Variants in CCSER1 observed in about 807,000 individuals in gnomAD.
CCSER1 encodes the protein coiled-coil serine rich protein 1, also known as serine-rich coiled-coil domain-containing protein 1.
A neutral mutation model predicts 82.0 loss-of-function variants in CCSER1; 41 were observed. The ratio of observed to expected loss-of-function variants is 0.50; its 90% CI spans 0.39 to 0.65. The LOEUF (loss-of-function observed/expected upper bound fraction) is 0.65, where lower values mean the gene tolerates loss of function less well. Ranked by LOEUF, CCSER1 falls within the 30% of genes least tolerant of loss-of-function variation. CCSER1 has a pLI of 0.00. For missense variants in CCSER1, 1,119 were observed against 1,064.2 expected, an observed-to-expected ratio of 1.05 and a Z score of -0.72; for synonymous variants, 414 against 383.9, an observed-to-expected ratio of 1.08 and a Z score of -0.92.
chr4:91,234,141 G>T (rs777740514), intron 10 of CCSER1, among the ~76,000 whole-genome samples: 1 of 152,050 alleles, frequency 6.6e-6, no homozygotes, highest in African/African-American at 2.4e-5. Flanking sequence ...TTTTGATTGC[G>T]TAAAATCCAT....
intron 10 of CCSER1, among the ~76,000 whole-genome samples, chr4:91,377,250 T>C (rs1186891632): frequency 6.6e-6 from 1 of 152,186 alleles, no homozygotes; most frequent in East Asian, 1.9e-4. Context: ...CTTATAATCC[T>C]TTGGGTATAT....
chr4:90,806,667 G>A (rs550719986), intron 7 of CCSER1, among the ~76,000 whole-genome samples: 13 of 152,202 alleles, frequency 8.5e-5, no homozygotes, highest in Non-Finnish European at 1.5e-4. Context: ...CTGAAGCAAA[G>A]GCTGAGATCT....
chr4:91,553,763 A>T (rs1762272133), intron 10 of CCSER1, among the ~76,000 whole-genome samples: 1 of 150,398 alleles, frequency 6.6e-6, no homozygotes, highest in African/African-American at 2.4e-5. Flanking sequence ...TCAGTTGTAG[A>T]GTCTTCTTCT....
chr4:90,495,626 G>T (rs1768865307), intron 5 of CCSER1, among the ~76,000 whole-genome samples: 1 of 152,114 alleles, frequency 6.6e-6, no homozygotes, highest in Non-Finnish European at 1.5e-5. Context: ...GATACTTAAA[G>T]AAATTGCAAG....
At chr4:91,233,014 C>T (rs1262971993) in intron 10 of CCSER1, among the ~76,000 whole-genome samples, 1 of 151,730 alleles carries the variant, frequency 6.6e-6, no homozygotes, top group African/African-American at 2.4e-5. Context: ...GAGTGGAACT[C>T]TTAGCTACTT....
At chr4:91,267,763 A>G (rs1467486779) in intron 10 of CCSER1, among the ~76,000 whole-genome samples, 1 of 152,248 alleles carries the variant, frequency 6.6e-6, no homozygotes, top group Non-Finnish European at 1.5e-5. Context: ...ATTTATGACT[A>G]GCTGAGAGGA....
intron 10 of CCSER1, among the ~76,000 whole-genome samples, chr4:91,526,564 T>A (rs1389962871): frequency 6.6e-6 from 1 of 152,186 alleles, no homozygotes; most frequent in Non-Finnish European, 1.5e-5. Flanking sequence ...ACTCTGTTTG[T>A]TGGCAATAAT....
chr4:90,925,057 C>T (rs531623870), intron 9 of CCSER1, among the ~76,000 whole-genome samples: 1 of 152,242 alleles, frequency 6.6e-6, no homozygotes, highest in South Asian at 2.1e-4. Context: ...TATTTATATG[C>T]TAGTCCTTAG....
rs139356414 is a variant in CCSER1 at position 91,523,574 on chromosome 4, G to A, written c.2218-74998G>A. Among the ~76,000 whole-genome samples, 762 of 152,234 alleles carry A rather than the reference G, an allele frequency of 5.0e-3. 4 individuals carry two copies. Among genetic ancestry groups the A allele is most frequent in the Middle Eastern group, 0.014 (4 of 294 alleles). Reference sequence around the variant, plus strand: ...AGAGCCTGTTATTGGTCTATTCAAGGATGCAACTTCTTCCTGGTTTAGTCT... The same window carrying A: ...AGAGCCTGTTATTGGTCTATTCAAGAATGCAACTTCTTCCTGGTTTAGTCT... On this transcript the variant is annotated intron_variant, in intron 10 of 10. Transcript: ENST00000509176.
chr4:90,825,194 C>A (rs1319520110), intron 8 of CCSER1, among the ~76,000 whole-genome samples: 3 of 152,014 alleles, frequency 2.0e-5, no homozygotes, highest in Non-Finnish European at 4.4e-5. Context: ...ATTTAAATGC[C>A]AATAGGAAGG....
chr4:91,160,844 C>T (rs978471777), intron 10 of CCSER1, among the ~76,000 whole-genome samples: 1 of 151,956 alleles, frequency 6.6e-6, no homozygotes, highest in Non-Finnish European at 1.5e-5. Flanking sequence ...TTTTCCAATT[C>T]TGTAGGTTGC....
At position 90,285,298 on chromosome 4, in the gene CCSER1, G is replaced by C. The variant is rs554579069; in HGVS notation, c.-41-22946G>C. Among the ~76,000 whole-genome samples, 26 of 151,828 alleles carry C rather than the reference G, an allele frequency of 1.7e-4. No individual in the cohort carries two copies. The South Asian group carries it at 5.4e-3, about 32-fold the overall frequency. The stretch of plus-strand genomic sequence containing the variant: ...TGAACATGGAATATCTTTCCATTTT[G>C]TGCATATCTTCTTCAATTTCTTTCA... On this transcript the variant is annotated intron_variant, in intron 1 of 10. Transcript: ENST00000509176.
At chr4:90,139,793 C>T (rs898406366) in intron 1 of CCSER1, among the ~76,000 whole-genome samples, 5 of 151,958 alleles carry the variant, frequency 3.3e-5, no homozygotes, top group African/African-American at 1.2e-4. Flanking sequence ...CTCTACTAAA[C>T]AAACAAACAA....
intron 10 of CCSER1, among the ~76,000 whole-genome samples, chr4:91,289,788 A>C (rs1307922665): frequency 6.6e-6 from 1 of 152,064 alleles, no homozygotes; most frequent in South Asian, 2.1e-4. Flanking sequence ...AGAGAAAACA[A>C]TAAAGAAGAA....
At chr4:90,585,315 A>C (rs1233048271) in intron 5 of CCSER1, among the ~76,000 whole-genome samples, 1 of 152,196 alleles carries the variant, frequency 6.6e-6, no homozygotes. Context: ...TGGAGTTCTC[A>C]AAATTTATAT....
intron 6 of CCSER1, among the ~76,000 whole-genome samples, chr4:90,666,146 C>T (rs941668960): frequency 2.0e-5 from 3 of 152,068 alleles, no homozygotes; most frequent in African/African-American, 7.2e-5. Flanking sequence ...ACTTCTGACT[C>T]TCCTTTTCAT....
chr4:90,894,188 G>A (rs1723363716), intron 8 of CCSER1, among the ~76,000 whole-genome samples: 1 of 151,962 alleles, frequency 6.6e-6, no homozygotes, highest in Admixed American at 6.6e-5. Context: ...AACATAGTGA[G>A]ACCAGAAATC....
chr4:91,499,400 C>G (rs1043995582), intron 10 of CCSER1, among the ~76,000 whole-genome samples: 3 of 151,980 alleles, frequency 2.0e-5, no homozygotes, highest in Admixed American at 6.6e-5. Context: ...TGCCCCTACA[C>G]GTGCACAGCC....
At chr4:90,289,264 C>T (rs1296513046) in intron 1 of CCSER1, among the ~76,000 whole-genome samples, 2 of 151,768 alleles carry the variant, frequency 1.3e-5, no homozygotes, top group African/African-American at 4.8e-5. Context: ...ATTTTAAGCC[C>T]ACTTAGAGCA....
Sources: gnomAD v4.1 joint callset for allele counts (sites outside exome capture counted in the v4.1 genomes callset) on GRCh38, gnomAD v4.1.1 for gene constraint, MANE v1.5 for transcripts, NCBI Gene and HGNC (gene_info 2026-07-23, HGNC 2026-07-21) for gene names.